Variants in CTSK observed in about 807,000 individuals in gnomAD.
CTSK encodes the protein cathepsin O.
CTSK carries 26 observed loss-of-function variants against 40.5 expected under a neutral mutation model. That is an observed-to-expected ratio of 0.64 (90% CI 0.47 to 0.89). CTSK has a LOEUF of 0.89. Among genes scored for constraint, CTSK ranks in the 40% least tolerant of loss-of-function variants. The probability of loss-of-function intolerance (pLI) is 0.00; values close to 1 mark genes in which losing one functional copy is unlikely to be tolerated. For synonymous variants in CTSK, 132 were observed against 143.2 expected (o/e 0.92, Z 0.56); for missense variants, 292 against 400.1 (o/e 0.73, Z 2.30).
chr1:150,806,980 T>C (rs192522598), intron 1 of CTSK, among the ~76,000 whole-genome samples, 174 bp from the exon 2 acceptor site: 388 of 150,918 alleles, frequency 2.6e-3, no homozygotes, highest in Non-Finnish European at 4.5e-3. Context: ...GACTTTGATC[T>C]AGGGGGATTT....
intron 5 of CTSK, chr1:150,800,774 C>G (rs903749461): frequency 6.5e-6 from 1 of 153,864 alleles, no homozygotes; most frequent in Non-Finnish European, 1.5e-5. Flanking sequence ...TGAATAGCCA[C>G]TCTACTCCAG....
chr1:150,806,441 A>G (rs931334715), intron 2 of CTSK, among the ~76,000 whole-genome samples: 2 of 152,248 alleles, frequency 1.3e-5, no homozygotes, highest in African/African-American at 4.8e-5. Flanking sequence ...ATAGATTAAC[A>G]GCATTAATCT....
Position 150,804,039 on chromosome 1 carries a change from G to A in CTSK, c.600C>T (p.Ala200=), listed in dbSNP as rs746908265. The A allele has an allele frequency of 5.0e-6, 8 of 1,614,004 alleles. No individual in the cohort carries two copies. In the East Asian group the frequency reaches 1.6e-4, roughly 31 times the overall value. ...QKNRGIDSED[A]YPYVGQEESC... ...ATCTCACCTGTCCCACATATGGGTA[G>A]GCATCTTCAGAGTCAATACCCCGGT... Residue 200 remains alanine, a synonymous_variant, in exon 5 of 8, where the codon GCC becomes GCT. Coordinates refer to ENST00000271651, the MANE Select transcript of CTSK (RefSeq NM_000396.4).
chr1:150,797,476 C>T (rs1303143805), intron 7 of CTSK, among the ~76,000 whole-genome samples: 1 of 152,044 alleles, frequency 6.6e-6, no homozygotes, highest in African/African-American at 2.4e-5. Flanking sequence ...AAGAAAGAGG[C>T]TGAAGCTGGT....
intron 5 of CTSK, among the ~76,000 whole-genome samples, chr1:150,803,560 C>G (rs748753558): frequency 2.6e-5 from 4 of 152,186 alleles, no homozygotes; most frequent in Non-Finnish European, 5.9e-5. Flanking sequence ...CTGAGTTAAT[C>G]CCTTATCTCT....
At position 150,805,845 on chromosome 1, in the gene CTSK, GAAGA is replaced by G; in HGVS notation, c.399+12_399+15del. 1 of 1,613,788 alleles carries G rather than the reference GAAGA, an allele frequency of 6.2e-7. No homozygotes were observed. The highest frequency in any genetic ancestry group is 8.5e-7 in the Non-Finnish European group (1 of 1,179,852). ...ATGCCAGATTACATATGCACACCCA[GAAGA>G]AAGGAGAGTACCTGATTTTTGACAG... On this transcript the variant is annotated intron_variant, in intron 4 of 7. Transcript: ENST00000271651.
intron 7 of CTSK, among the ~76,000 whole-genome samples, chr1:150,797,486 T>C (rs1653897797): frequency 6.6e-6 from 1 of 152,144 alleles, no homozygotes; most frequent in African/African-American, 2.4e-5. Flanking sequence ...CTGAAGCTGG[T>C]GATCTTGATT....
intron 5 of CTSK, among the ~76,000 whole-genome samples, chr1:150,801,449 C>G (rs1653986802): frequency 6.6e-6 from 1 of 151,868 alleles, no homozygotes; most frequent in African/African-American, 2.4e-5. Context: ...TTTATTTTTT[C>G]TTACCTTTCT....
intron 5 of CTSK, among the ~76,000 whole-genome samples, chr1:150,802,146 C>T (rs1181481806): frequency 4.6e-5 from 7 of 151,428 alleles, no homozygotes; most frequent in Non-Finnish European, 5.9e-5. Context: ...GGCGTGGTTG[C>T]GGGTGCCTAT....
At chr1:150,807,353 A>T (rs1442871531) in intron 1 of CTSK, 1 of 471,124 alleles carries the variant, frequency 2.1e-6, no homozygotes, top group Non-Finnish European at 4.4e-6. Flanking sequence ...TTGTCAGAAG[A>T]GGACAAGGGA....
intron 5 of CTSK, among the ~76,000 whole-genome samples, chr1:150,803,304 A>G (rs12085336): frequency 6.6e-6 from 1 of 152,010 alleles, no homozygotes; most frequent in Non-Finnish European, 1.5e-5. Flanking sequence ...AAGTCTACCT[A>G]ACAGAGTTGT....
chr1:150,805,864 A>G lies in CTSK; in HGVS notation c.396T>C (p.Asn132=). 5 of 1,614,108 alleles carry G rather than the reference A, an allele frequency of 3.1e-6. No individual in the cohort carries two copies. The highest frequency in any genetic ancestry group is 4.2e-6 in the Non-Finnish European group (5 of 1,180,010). ...RKKGYVTPVK[N]QGQCGSCWAF... ...CACCCAGAAGAAAGGAGAGTACCTGATTTTTGACAGGAGTAACATATCCTT... is the reference window on the plus strand; with the variant it reads ...CACCCAGAAGAAAGGAGAGTACCTGGTTTTTGACAGGAGTAACATATCCTT... Residue 132 remains asparagine, a synonymous_variant, in exon 4 of 8, where the codon AAT becomes AAC. Transcript: ENST00000271651.
At position 150,799,293 on chromosome 1, in the gene CTSK, C is replaced by T. The variant is rs201408812; in HGVS notation, c.785-20G>A. 748 of 1,553,696 alleles carry T rather than the reference C, an allele frequency of 4.8e-4. 10 individuals are homozygous for T. The South Asian group carries it at 7.4e-3, about 15-fold the overall frequency. Reference sequence around the variant, plus strand: ...ACACACCTAGAATACAAACTACCAGCGTGAGGCTCTATGCAATCCAAGGGT... The same window carrying T: ...ACACACCTAGAATACAAACTACCAGTGTGAGGCTCTATGCAATCCAAGGGT... On this transcript the variant is annotated intron_variant, in intron 6 of 7. Transcript: ENST00000271651.
Position 150,805,866 on chromosome 1 carries a change from T to C in CTSK, c.394A>G (p.Asn132Asp), listed in dbSNP as rs201308534. Residue 132 changes from asparagine (N) to aspartate (D), a missense_variant, in exon 4 of 8, where the codon AAT becomes GAT. Asn to Asp is a conservative substitution (Grantham distance 23). Coordinates refer to ENST00000271651, the MANE Select transcript of CTSK (RefSeq NM_000396.4). ...RKKGYVTPVKNQGQCGSCWAF... is the reference protein window; with the variant it reads ...RKKGYVTPVKDQGQCGSCWAF... ...CCCAGAAGAAAGGAGAGTACCTGATTTTTGACAGGAGTAACATATCCTTTC... is the reference window on the plus strand; with the variant it reads ...CCCAGAAGAAAGGAGAGTACCTGATCTTTGACAGGAGTAACATATCCTTTC... 2 of 1,614,050 alleles carry C rather than the reference T, an allele frequency of 1.2e-6. No individual in the cohort carries two copies. The highest frequency in any genetic ancestry group is 1.7e-6 in the Non-Finnish European group (2 of 1,180,006).
At position 150,796,347 on chromosome 1, in the gene CTSK, AT is replaced by A; in HGVS notation, c.*451del. ...CAAAGACTTATGAATAGATTTATGA[AT>A]TGGAGTAGAAAACATAGACATTTCT... On this transcript the variant is annotated 3_prime_UTR_variant, in exon 8 of 8. Transcript: ENST00000271651. 5.1e-6 allele frequency: 1 copy of A among 197,930 alleles called. No individual in the cohort carries two copies. Among genetic ancestry groups the A allele is most frequent in the Non-Finnish European group, 1.1e-5 (1 of 95,208 alleles). 12.3% of individuals were successfully genotyped at this position (197,930 alleles called of 1,614,324 possible). A position where few individuals can be genotyped will look rare whatever the true frequency, so the allele number is the denominator to read the frequency against.
At chr1:150,806,307 A>G (rs1412320773) in intron 2 of CTSK, 83 bp from the exon 3 acceptor site, 1 of 1,495,354 alleles carries the variant, frequency 6.7e-7, no homozygotes, top group Non-Finnish European at 9.2e-7. Context: ...AGAATAAAGG[A>G]AACTCACAAT....
At chr1:150,799,811 C>T (rs976320592) in intron 5 of CTSK, 102 bp from the exon 6 acceptor site, 18 of 1,079,792 alleles carry the variant, frequency 1.7e-5, no homozygotes, top group Non-Finnish European at 2.6e-5. Flanking sequence ...AGTGAACTAA[C>T]AGAGGCAGCA....
chr1:150,799,307 C>T (rs199666415), intron 6 of CTSK, 34 bp from the exon 7 acceptor site: 11 of 1,490,780 alleles, frequency 7.4e-6, no homozygotes, highest in Non-Finnish European at 9.4e-6. Context: ...AGGCTCTATG[C>T]AATCCAAGGG....
In CTSK at chr1:150,806,912, C is replaced by A. The variant is rs966847865; in HGVS notation, c.-1-106G>T. ...GGTAGACGGAAAAAGGGTGATAAAA[C>A]AATGATAGTCAGGAGGGGCCTGTGT... On this transcript the variant is annotated intron_variant, in intron 1 of 7. Transcript: ENST00000271651. 18 of 1,363,428 alleles carry A rather than the reference C, an allele frequency of 1.3e-5. No individual in the cohort carries two copies. In the African/African-American group the frequency reaches 2.1e-4, roughly 16 times the overall value. The allele number at this position is 1,363,428 out of a possible 1,614,324, so 84.5% of individuals were successfully genotyped here.
Sources: allele counts gnomAD v4.1 joint callset (sites outside exome capture counted in the v4.1 genomes callset), GRCh38; gene constraint gnomAD v4.1.1; transcripts MANE v1.5; gene names NCBI Gene and HGNC (gene_info 2026-07-23, HGNC 2026-07-21).